ABCC11: variants seen among roughly 807,000 people sequenced by gnomAD.
The protein encoded by ABCC11 is ATP binding cassette subfamily C member 11.
In ABCC11, 135 loss-of-function variants were observed where a neutral mutation model predicts 149.3. The observed-to-expected ratio is 0.90, with a 90% confidence interval of 0.79 to 1.04. ABCC11 has a LOEUF of 1.04. Among genes scored for constraint, ABCC11 ranks in the 50% least tolerant of loss-of-function variants. The pLI is 0.00. For synonymous variants in ABCC11, 665 were observed against 671.4 expected, an observed-to-expected ratio of 0.99 and a Z score of 0.15; for missense variants, 1,680 against 1,722.1, an observed-to-expected ratio of 0.98 and a Z score of 0.43.
chr16:48,196,975 A>G lies in ABCC11; in HGVS notation c.2315-654T>C, dbSNP rs542484060. ...ACGGTGCTCTTTTTCTGGAATTTTA[A>G]TCCTGAGGGAAATTACACCAGGATG... On this transcript the variant is annotated intron_variant, in intron 17 of 29. Coordinates refer to ENST00000356608, the MANE Select transcript of ABCC11 (RefSeq NM_001370497.1). Among the ~76,000 whole-genome samples the G allele has an allele frequency of 6.7e-5, 10 of 148,878 alleles. No individual in the cohort carries two copies. The South Asian group carries it at 2.1e-3, about 32-fold the overall frequency.
Position 48,227,828 on chromosome 16 carries a change from C to T in ABCC11, c.373G>A (p.Ala125Thr), listed in dbSNP as rs747997621. 6.2e-7 allele frequency: 1 copy of T among 1,613,722 alleles called. No individual in the cohort carries two copies. Among genetic ancestry groups the T allele is most frequent in the South Asian group, 1.1e-5 (1 of 91,068 alleles). Residue 125 changes from alanine to threonine, a missense_variant, in exon 4 of 30, where the codon GCC (alanine) becomes ACC (threonine). Physicochemically the swap from Ala to Thr is moderately conservative, Grantham distance 58. Transcript: ENST00000356608. ...CACCTTTGGACATTTTTGTCTGAGGCATCATGGACTGACAGTGGAGGGATG... is the reference window on the plus strand; with the variant it reads ...CACCTTTGGACATTTTTGTCTGAGGTATCATGGACTGACAGTGGAGGGATG... ...NTIPPLSVHD[A>T]SDKNVQRLHR...
intron 2 of ABCC11, 123 bp from the exon 3 acceptor site, chr16:48,230,696 T>C: frequency 1.7e-6 from 2 of 1,145,906 alleles, no homozygotes; most frequent in African/African-American, 3.1e-5. Context: ...AAAGAAAGGC[T>C]TCCATACCGA....
intron 4 of ABCC11, among the ~76,000 whole-genome samples, chr16:48,225,971 A>G (rs1467813614): frequency 6.6e-6 from 1 of 152,234 alleles, no homozygotes; most frequent in Non-Finnish European, 1.5e-5. Context: ...GAGAATGGAA[A>G]GAAATCAGGA....
At chr16:48,219,436 G>A (rs977290697) in intron 6 of ABCC11, among the ~76,000 whole-genome samples, 5 of 152,128 alleles carry the variant, frequency 3.3e-5, no homozygotes, top group African/African-American at 1.2e-4. Context: ...ATCCCAAAGT[G>A]CTGGGATTAC....
rs77464002 is a variant in ABCC11 at position 48,221,623 on chromosome 16, G to A, written c.777+975C>T. Among the ~76,000 whole-genome samples the A allele has an allele frequency of 1.9e-3, 295 of 152,336 alleles. 2 individuals are homozygous for A. The East Asian group carries it at 0.03, about 16-fold the overall frequency. ...ATACCCTCACCCTCAGGTTGGCTTA[G>A]GGGACGCACTTTCCAACATGCTTCT... On this transcript the variant is annotated intron_variant, in intron 6 of 29. Transcript: ENST00000356608.
In ABCC11 at chr16:48,196,192, T is replaced by C. The variant is rs768299764; in HGVS notation, c.2404+40A>G. 3.7e-6 allele frequency: 6 copies of C among 1,602,352 alleles called. No individual in the cohort carries two copies. The Admixed American group carries it at 5.0e-5, about 13-fold the overall frequency. ...TCTGACCCAGTTCCAGGGATAGGGC[T>C]GCTCCAAGAGAGAGCCCTGGGCTGG... On this transcript the variant is annotated intron_variant, in intron 18 of 29. Transcript: ENST00000356608.
intron 18 of ABCC11, 122 bp from the exon 19 acceptor site, chr16:48,194,104 G>A: frequency 1.5e-6 from 1 of 661,036 alleles, no homozygotes; most frequent in Non-Finnish European, 2.6e-6. Context: ...ACCCAATGTG[G>A]ACACCTTGGA....
intron 20 of ABCC11, among the ~76,000 whole-genome samples, chr16:48,188,319 A>G (rs1241661273): frequency 1.3e-5 from 2 of 152,160 alleles, no homozygotes. Context: ...TCATGGACTA[A>G]GCCCCAGTCT....
intron 1 of ABCC11, among the ~76,000 whole-genome samples, chr16:48,243,254 A>G (rs1312464926): frequency 6.6e-6 from 1 of 151,770 alleles, no homozygotes; most frequent in African/African-American, 2.4e-5. Flanking sequence ...ACAAAAAATT[A>G]GCCGGGCGTG....
intron 22 of ABCC11, 136 bp downstream of exon 22, chr16:48,186,817 C>T: frequency 4.5e-6 from 5 of 1,122,860 alleles, no homozygotes; most frequent in Non-Finnish European, 6.3e-6. Context: ...TCTGGAGGCT[C>T]AGAGAAATAC....
intron 29 of ABCC11, 41 bp downstream of exon 29, chr16:48,167,455 G>C: frequency 6.2e-7 from 1 of 1,612,886 alleles, no homozygotes; most frequent in South Asian, 1.1e-5. Context: ...GTAGCAGCCT[G>C]AGCCCTCATC....
intron 1 of ABCC11, among the ~76,000 whole-genome samples, chr16:48,240,725 T>A (rs560669504): frequency 2.1e-4 from 32 of 151,724 alleles, no homozygotes; most frequent in Non-Finnish European, 3.8e-4. Context: ...TGCCATTACT[T>A]TTGCACCAAC....
rs146140437 is a variant in ABCC11 at position 48,212,710 on chromosome 16, C to G, written c.1356+733G>C. The stretch of plus-strand genomic sequence containing the variant: ...TCAATACAGTATTCTCAGTGCCTGG[C>G]TTGTGGTAGGAGCTCAATAAATATT... On this transcript the variant is annotated intron_variant, in intron 10 of 29. Coordinates refer to ENST00000356608, the MANE Select transcript of ABCC11 (RefSeq NM_001370497.1). Among the ~76,000 whole-genome samples the G allele has an allele frequency of 1.6e-4, 24 of 152,296 alleles. No individual in the cohort carries two copies. The East Asian group carries it at 4.6e-3, about 29-fold the overall frequency.
intron 26 of ABCC11, among the ~76,000 whole-genome samples, chr16:48,173,770 A>G (rs1331981097): frequency 1.3e-5 from 2 of 152,052 alleles, no homozygotes; most frequent in African/African-American, 4.8e-5. Flanking sequence ...GATTACAGAC[A>G]TGCACCACCA....
chr16:48,187,691 T>A (rs1420199194), intron 20 of ABCC11, among the ~76,000 whole-genome samples: 1 of 152,170 alleles, frequency 6.6e-6, no homozygotes, highest in Non-Finnish European at 1.5e-5. Flanking sequence ...AAAACGATGC[T>A]TCACAGAGTT....
chr16:48,182,190 A>C (rs1966479105), intron 23 of ABCC11, among the ~76,000 whole-genome samples: 1 of 152,174 alleles, frequency 6.6e-6, no homozygotes, highest in African/African-American at 2.4e-5. Flanking sequence ...ACATACATGC[A>C]CTCCAGCACA....
chr16:48,224,793 C>T (rs924693067), intron 4 of ABCC11, among the ~76,000 whole-genome samples: 3 of 152,122 alleles, frequency 2.0e-5, no homozygotes, highest in African/African-American at 4.8e-5. Flanking sequence ...GAGGCTAAGG[C>T]GGGTGGATCA....
At chr16:48,190,903 A>C (rs1427280245) in intron 20 of ABCC11, among the ~76,000 whole-genome samples, 1 of 151,600 alleles carries the variant, frequency 6.6e-6, no homozygotes, top group Non-Finnish European at 1.5e-5. Context: ...CACTTTCATC[A>C]CTCCCTTCTC....
chr16:48,217,262 T>C (rs1029018843), intron 6 of ABCC11, among the ~76,000 whole-genome samples: 3 of 152,144 alleles, frequency 2.0e-5, no homozygotes, highest in Admixed American at 6.6e-5. Context: ...CTTTTTTTTC[T>C]TTTTTGTTAT....
Sources: allele counts gnomAD v4.1 joint callset (sites outside exome capture counted in the v4.1 genomes callset), GRCh38; gene constraint gnomAD v4.1.1; transcripts MANE v1.5; gene names NCBI Gene and HGNC (gene_info 2026-07-23, HGNC 2026-07-21).